The following SEC24B variants were observed in gnomAD, a reference collection of about 807,000 sequenced individuals.
SEC24B encodes the protein protein transport protein Sec24B.
A neutral mutation model predicts 142.8 loss-of-function variants in SEC24B; 45 were observed. The observed-to-expected ratio is 0.32, with a 90% CI of 0.25 to 0.40. The LOEUF is 0.40. Among genes scored for constraint, SEC24B ranks in the 10% least tolerant of loss-of-function variants. The probability of loss-of-function intolerance (pLI) is 1.00; values close to 1 mark genes in which losing one functional copy is unlikely to be tolerated. For missense variants in SEC24B, 1,409 were observed against 1,526.8 expected (o/e 0.92, Z 1.29); for synonymous variants, 574 against 568.2 (o/e 1.01, Z -0.15).
chr4:109,445,435 T>G (rs1391608972), intron 1 of SEC24B, among the ~76,000 whole-genome samples: 8 of 149,982 alleles, frequency 5.3e-5, no homozygotes, highest in Non-Finnish European at 1.0e-4. Context: ...TTTTGGATTT[T>G]TAGTAGAGAT....
chr4:109,476,383 C>T (rs536526347), intron 3 of SEC24B, among the ~76,000 whole-genome samples: 10 of 152,310 alleles, frequency 6.6e-5, no homozygotes, highest in African/African-American at 2.4e-4. Flanking sequence ...ATTGGAAATA[C>T]ATCTTTCAGT....
chr4:109,528,482 AG>A (rs1320601605), intron 18 of SEC24B, among the ~76,000 whole-genome samples: 1 of 151,742 alleles, frequency 6.6e-6, no homozygotes, highest in Non-Finnish European at 1.5e-5. Flanking sequence ...AATGACATTC[AG>A]GGAAAGGGAA....
chr4:109,457,319 C>T (rs575244835), intron 1 of SEC24B, among the ~76,000 whole-genome samples: 2 of 152,276 alleles, frequency 1.3e-5, no homozygotes. Flanking sequence ...ACTTCTTAGT[C>T]CATTTTGTGC....
At chr4:109,446,136 A>G (rs1455647568) in intron 1 of SEC24B, among the ~76,000 whole-genome samples, 1 of 152,194 alleles carries the variant, frequency 6.6e-6, no homozygotes, top group Non-Finnish European at 1.5e-5. Flanking sequence ...AGCTATGTCC[A>G]TGTCCTAATC....
At chr4:109,460,658 T>A (rs1731157837) in intron 1 of SEC24B, among the ~76,000 whole-genome samples, 1 of 151,988 alleles carries the variant, frequency 6.6e-6, no homozygotes, top group South Asian at 2.1e-4. Context: ...CTTTTGTGGC[T>A]CACTTATTGA....
At chr4:109,527,707 C>T (rs376334469) in intron 18 of SEC24B, among the ~76,000 whole-genome samples, 12 of 151,632 alleles carry the variant, frequency 7.9e-5, no homozygotes, top group African/African-American at 2.9e-4. Context: ...GAGAGGCGGA[C>T]GTTGCAGTGA....
At chr4:109,474,250 G>A (rs10516557) in intron 3 of SEC24B, among the ~76,000 whole-genome samples, 7,128 of 152,246 alleles carry the variant, frequency 0.047, 186 homozygotes, top group African/African-American at 0.07. Context: ...TGAAGGTCCA[G>A]TAGAAGTTTT....
At chr4:109,499,128 C>G (rs1156519612) in intron 6 of SEC24B, among the ~76,000 whole-genome samples, 5 of 152,136 alleles carry the variant, frequency 3.3e-5, no homozygotes, top group African/African-American at 1.2e-4. Context: ...GGAGTCTGTC[C>G]TTCCAGGTTT....
chr4:109,508,080 T>C (rs890334946), intron 7 of SEC24B, among the ~76,000 whole-genome samples: 5 of 152,176 alleles, frequency 3.3e-5, no homozygotes, highest in African/African-American at 1.2e-4. Context: ...CCCCTCTTCT[T>C]CCACTGTACC....
intron 1 of SEC24B, among the ~76,000 whole-genome samples, chr4:109,451,783 T>C (rs1730118047): frequency 6.6e-6 from 1 of 152,214 alleles, no homozygotes; most frequent in South Asian, 2.1e-4. Context: ...TGTGAGTATG[T>C]ATATGTATAT....
At chr4:109,457,570 A>G (rs935296580) in intron 1 of SEC24B, among the ~76,000 whole-genome samples, 4 of 152,218 alleles carry the variant, frequency 2.6e-5, no homozygotes, top group African/African-American at 9.6e-5. Flanking sequence ...TAATGCATTC[A>G]TAAGGGCACA....
chr4:109,457,744 TACA>T (rs1730826821), intron 1 of SEC24B, among the ~76,000 whole-genome samples: 1 of 152,238 alleles, frequency 6.6e-6, no homozygotes, highest in Non-Finnish European at 1.5e-5. Context: ...GGCTTGTGGC[TACA>T]TCACTCTGTG....
chr4:109,492,227 G>C (rs1280434243), intron 5 of SEC24B, among the ~76,000 whole-genome samples: 1 of 150,496 alleles, frequency 6.6e-6, no homozygotes, highest in East Asian at 2.0e-4. Context: ...TTTCAGCTCA[G>C]TATGGAATTC....
In SEC24B at chr4:109,521,463, A is replaced by G. The variant is rs754791580; in HGVS notation, c.2345A>G (p.Asn782Ser). 1.2e-6 allele frequency: 2 copies of G among 1,614,152 alleles called. No homozygotes were observed. Among genetic ancestry groups the G allele is most frequent in the South Asian group, 1.1e-5 (1 of 91,082 alleles). Residue 782 changes from asparagine (N) to serine (S), a missense_variant, in exon 14 of 24, where the codon AAT becomes AGT. By Grantham distance (46) the Asn-to-Ser change is conservative. This residue lies in a region of SEC24B where 700 missense variants were observed against 853.3 expected (regional missense o/e 0.82). Transcript: ENST00000265175. ...LLNALPNMFT[N>S]TRETHSALGP... is the part of the protein sequence containing the mutation. ...AATGCATTACCAAACATGTTCACCA[A>G]TACAAGAGAAACACACAGTGCCCTT...
chr4:109,498,524 C>T (rs1381630306), intron 6 of SEC24B, among the ~76,000 whole-genome samples: 1 of 152,054 alleles, frequency 6.6e-6, no homozygotes, highest in Non-Finnish European at 1.5e-5. Flanking sequence ...GCCACCATGC[C>T]CAGCTAATTT....
chr4:109,461,777 ATAT>A (rs1731282018), intron 1 of SEC24B, among the ~76,000 whole-genome samples: 1 of 152,184 alleles, frequency 6.6e-6, no homozygotes, highest in Non-Finnish European at 1.5e-5. Context: ...TACAGTGGGT[ATAT>A]TGTTACTTTT....
At chr4:109,506,636 T>G in intron 7 of SEC24B, 124 bp downstream of exon 7, 1 of 681,470 alleles carries the variant, frequency 1.5e-6, no homozygotes, top group Non-Finnish European at 2.2e-6. Flanking sequence ...CTTTTCTCTT[T>G]TAGTTTGTAT....
chr4:109,513,108 G>A (rs1231214298), intron 9 of SEC24B, among the ~76,000 whole-genome samples: 2 of 150,710 alleles, frequency 1.3e-5, no homozygotes, highest in Non-Finnish European at 1.5e-5. Context: ...CCGAGTAGCT[G>A]GGACTACAGG....
chr4:109,458,833 A>ATT (rs58779960), intron 1 of SEC24B, among the ~76,000 whole-genome samples: 13 of 147,010 alleles, frequency 8.8e-5, no homozygotes, highest in African/African-American at 2.5e-4. Context: ...CACTTTCTGT[A>ATT]TTTTTTTTTT....
Sources: gnomAD v4.1 joint callset for allele counts (sites outside exome capture counted in the v4.1 genomes callset) on GRCh38, gnomAD v4.1.1 for gene constraint, gnomAD v4.1.1 regional missense constraint, MANE v1.5 for transcripts, NCBI Gene and HGNC (gene_info 2026-07-23, HGNC 2026-07-21) for gene names.